The following EYS variants were observed in gnomAD, a reference collection of about 807,000 sequenced individuals.
EYS encodes EGF-like photoreceptor maintenance factor.
A neutral mutation model predicts 282.1 loss-of-function variants in EYS; 250 were observed. That is an observed-to-expected ratio of 0.89 (90% CI 0.80 to 0.98). The LOEUF is 0.98. EYS is among the 50% of genes least tolerant of loss of function. EYS has a pLI of 0.00. For missense variants in EYS, 4,016 were observed against 3,709.0 expected, an observed-to-expected ratio of 1.08 and a Z score of -2.15; for synonymous variants, 1,355 against 1,282.9, an observed-to-expected ratio of 1.06 and a Z score of -1.20.
intron 31 of EYS, among the ~76,000 whole-genome samples, chr6:64,123,935 G>T (rs1248576766): frequency 6.6e-6 from 1 of 152,148 alleles, no homozygotes; most frequent in Non-Finnish European, 1.5e-5. Flanking sequence ...ATCCATAAGG[G>T]ATTTGTCAGA....
Position 64,436,228 on chromosome 6 carries a change from C to T in EYS, c.5873G>A (p.Ser1958Asn), listed in dbSNP as rs745944164. ...FYCPGEAKFK[S>N]INTTVRVDNG... The stretch of plus-strand genomic sequence containing the variant: ...GTCCACTCTAACAGTAGTATTAATG[C>T]TTTTAAATTTTGCTTCACCAGGACA... Residue 1958 changes from serine (S) to asparagine (N), a missense_variant, in exon 28 of 43, where the codon AGC becomes AAC. Physicochemically the swap from Ser to Asn is conservative, Grantham distance 46. Transcript: ENST00000503581. 4 of 1,543,834 alleles carry T rather than the reference C, an allele frequency of 2.6e-6. No individual in the cohort carries two copies. The South Asian group carries it at 3.6e-5, about 14-fold the overall frequency.
intron 2 of EYS, among the ~76,000 whole-genome samples, chr6:65,552,994 A>C (rs1768655711): frequency 6.6e-6 from 1 of 152,144 alleles, no homozygotes; most frequent in Admixed American, 6.5e-5. Flanking sequence ...GAATTGATTC[A>C]AATCGGCACT....
chr6:64,675,301 C>G (rs1769612262), intron 22 of EYS, among the ~76,000 whole-genome samples: 1 of 152,110 alleles, frequency 6.6e-6, no homozygotes, highest in Non-Finnish European at 1.5e-5. Flanking sequence ...TATTTTACAG[C>G]TGTCTTCCCT....
chr6:65,534,198 C>A (rs1767885334), intron 2 of EYS, among the ~76,000 whole-genome samples: 1 of 152,130 alleles, frequency 6.6e-6, no homozygotes, highest in African/African-American at 2.4e-5. Context: ...AACTATTAAT[C>A]ATTCTGGCTT....
chr6:65,673,406 G>A (rs1281720012), intron 1 of EYS, among the ~76,000 whole-genome samples: 1 of 152,046 alleles, frequency 6.6e-6, no homozygotes, highest in Non-Finnish European at 1.5e-5. Context: ...CCTAGATGTG[G>A]TTTTGTATGA....
At chr6:65,050,304 A>G (rs1773232143) in intron 13 of EYS, among the ~76,000 whole-genome samples, 1 of 151,622 alleles carries the variant, frequency 6.6e-6, no homozygotes, top group Non-Finnish European at 1.5e-5. Context: ...GAAGAACACA[A>G]TACTGCTAAT....
intron 2 of EYS, among the ~76,000 whole-genome samples, chr6:65,541,671 A>G (rs991587106): frequency 6.6e-6 from 1 of 152,094 alleles, no homozygotes; most frequent in Non-Finnish European, 1.5e-5. Context: ...GGGTTGATAC[A>G]AGCTGTCTTA....
Position 63,973,292 on chromosome 6 carries a change from T to C in EYS, c.7055+11091A>G, listed in dbSNP as rs115788971. On this transcript the variant is annotated intron_variant, in intron 35 of 42. Transcript: ENST00000503581. ...ATCTCATTGTGGTTTTGAGTTGCAT[T>C]TCTCCAATGACCTGTTATGATGAGC... Among the ~76,000 whole-genome samples the C allele has an allele frequency of 7.2e-3, 1,093 of 152,294 alleles. 13 individuals carry two copies. Among genetic ancestry groups the C allele is most frequent in the African/African-American group, 0.024 (1,008 of 41,568 alleles).
chr6:64,712,300 G>A (rs1771239460), intron 22 of EYS, among the ~76,000 whole-genome samples: 1 of 152,192 alleles, frequency 6.6e-6, no homozygotes, highest in African/African-American at 2.4e-5. Flanking sequence ...ACAAAAGGTA[G>A]GTGGAGTATA....
intron 33 of EYS, among the ~76,000 whole-genome samples, chr6:64,049,831 G>A (rs577475084): frequency 6.6e-6 from 1 of 152,242 alleles, no homozygotes; most frequent in South Asian, 2.1e-4. Context: ...AAGACAGATA[G>A]AAATGAGGTT....
In EYS at chr6:65,328,665, G is replaced by A. The variant is rs749425058; in HGVS notation, c.1766+6315C>T. Among the ~76,000 whole-genome samples the A allele has an allele frequency of 3.1e-4, 46 of 150,734 alleles. 1 individual carries two copies. The highest frequency in any genetic ancestry group is 9.6e-4 in the East Asian group (5 of 5,186). On this transcript the variant is annotated intron_variant, in intron 11 of 42. Transcript: ENST00000503581. ...TAAATGGGAAACAAGTGAATAATAT[G>A]ATAGAAAGTAAAAAGCAGAAGCCTA...
At chr6:64,737,856 G>C (rs1772233021) in intron 22 of EYS, among the ~76,000 whole-genome samples, 1 of 152,146 alleles carries the variant, frequency 6.6e-6, no homozygotes, top group Non-Finnish European at 1.5e-5. Context: ...GTTTCCATTT[G>C]AGCAATACTT....
At chr6:63,886,699 G>A (rs1773269741) in intron 35 of EYS, among the ~76,000 whole-genome samples, 1 of 152,080 alleles carries the variant, frequency 6.6e-6, no homozygotes. Flanking sequence ...TATTCTGACT[G>A]CTACCTTCAC....
chr6:63,969,493 G>A (rs1394097051), intron 35 of EYS, among the ~76,000 whole-genome samples: 1 of 152,132 alleles, frequency 6.6e-6, no homozygotes, highest in African/African-American at 2.4e-5. Context: ...AACAAATAGG[G>A]AGTAAGTATT....
chr6:64,756,174 AT>A (rs1772930294), intron 22 of EYS, among the ~76,000 whole-genome samples: 1 of 152,166 alleles, frequency 6.6e-6, no homozygotes, highest in African/African-American at 2.4e-5. Flanking sequence ...TTATATGAAA[AT>A]TTTGTTTCAC....
chr6:64,315,473 A>G (rs1363890509), intron 29 of EYS, among the ~76,000 whole-genome samples: 2 of 151,934 alleles, frequency 1.3e-5, no homozygotes, highest in Admixed American at 1.3e-4. Context: ...CAAAAAGAAC[A>G]TTTCAGGCCA....
chr6:65,207,353 A>G (rs1766061371), intron 12 of EYS, among the ~76,000 whole-genome samples: 1 of 139,614 alleles, frequency 7.2e-6, no homozygotes, highest in Admixed American at 7.2e-5. Flanking sequence ...GAACTAAAAG[A>G]CACTGATGAA....
intron 22 of EYS, among the ~76,000 whole-genome samples, chr6:64,773,437 A>T (rs909296155): frequency 3.3e-5 from 5 of 151,906 alleles, no homozygotes; most frequent in Non-Finnish European, 7.4e-5. Context: ...TGCAATGAAT[A>T]TACATGTGCA....
chr6:63,964,471 C>G (rs867237504), intron 35 of EYS, among the ~76,000 whole-genome samples: 1 of 152,184 alleles, frequency 6.6e-6, no homozygotes, highest in African/African-American at 2.4e-5. Flanking sequence ...AAAACAACCA[C>G]AAACACAACA....
Sources: allele counts gnomAD v4.1 joint callset (sites outside exome capture counted in the v4.1 genomes callset), GRCh38; gene constraint gnomAD v4.1.1; transcripts MANE v1.5; gene names NCBI Gene and HGNC (gene_info 2026-07-23, HGNC 2026-07-21).